Variants in SMYD3 observed in about 807,000 individuals in gnomAD.
SMYD3 encodes histone-lysine N-methyltransferase SMYD3.
SMYD3 carries 36 observed loss-of-function variants against 57.7 expected under a neutral mutation model. That is an observed-to-expected ratio of 0.62 (90% CI 0.48 to 0.82). SMYD3 has a LOEUF of 0.82. Among genes scored for constraint, SMYD3 ranks in the 40% least tolerant of loss-of-function variants. The pLI, the probability that SMYD3 is intolerant of heterozygous loss-of-function variation, is 0.00. For missense variants in SMYD3, 515 were observed against 538.8 expected (o/e 0.96, Z 0.44); for synonymous variants, 211 against 195.0 (o/e 1.08, Z -0.68).
intron 5 of SMYD3, among the ~76,000 whole-genome samples, chr1:246,086,491 G>C (rs770665092): frequency 6.6e-6 from 1 of 151,376 alleles, no homozygotes; most frequent in African/African-American, 2.4e-5. Flanking sequence ...AGAGGCTACG[G>C]ATATATTTTC....
intron 5 of SMYD3, among the ~76,000 whole-genome samples, chr1:246,130,517 A>G (rs1408288538): frequency 6.6e-6 from 1 of 152,198 alleles, no homozygotes; most frequent in Non-Finnish European, 1.5e-5. Context: ...TACAACCTAT[A>G]TTTATCATTC....
At chr1:246,448,627 G>T (rs969567206) in intron 1 of SMYD3, among the ~76,000 whole-genome samples, 2 of 137,782 alleles carry the variant, frequency 1.5e-5, no homozygotes, top group African/African-American at 5.6e-5. Flanking sequence ...GCCCAACAAT[G>T]CCCTTAAGAA....
intron 1 of SMYD3, among the ~76,000 whole-genome samples, chr1:246,395,753 CAGTCAGACA>C (rs1558443032): frequency 3.7e-4 from 54 of 146,936 alleles, no homozygotes; most frequent in African/African-American, 9.1e-4. Context: ...GAACCCACCA[CAGTCAGACA>C]GGGAAGAGGA....
intron 5 of SMYD3, among the ~76,000 whole-genome samples, chr1:246,264,475 C>A (rs2064067576): frequency 3.9e-5 from 6 of 152,180 alleles, no homozygotes; most frequent in Admixed American, 3.9e-4. Flanking sequence ...GATGGTGAGA[C>A]CCTGCATCTT....
At chr1:246,375,397 G>A (rs2066259822) in intron 1 of SMYD3, among the ~76,000 whole-genome samples, 1 of 123,852 alleles carries the variant, frequency 8.1e-6, no homozygotes, top group African/African-American at 3.0e-5. Context: ...CAACATGAGA[G>A]TAAATGCCAC....
chr1:245,771,292 G>A (rs746804348), intron 10 of SMYD3, among the ~76,000 whole-genome samples: 4 of 152,124 alleles, frequency 2.6e-5, no homozygotes, highest in South Asian at 2.1e-4. Context: ...TAAGGTAGGC[G>A]TGGCAAAATC....
At chr1:245,986,732 C>A (rs1286997922) in intron 5 of SMYD3, among the ~76,000 whole-genome samples, 1 of 152,210 alleles carries the variant, frequency 6.6e-6, no homozygotes, top group African/African-American at 2.4e-5. Context: ...CCCACGCCCA[C>A]ATGCAAGGCT....
rs192831074 is a variant in SMYD3, at chr1:245,864,843, G to A, written c.814-957C>T. On this transcript the variant is annotated intron_variant, in intron 8 of 11. Transcript: ENST00000490107. ...ATAGTTATTTGTTAGGAGACCTACAGCTAAAACCTTATTAAGTATAAAGTA... is the reference window on the plus strand; with the variant it reads ...ATAGTTATTTGTTAGGAGACCTACAACTAAAACCTTATTAAGTATAAAGTA... 5.3e-5 allele frequency among the ~76,000 whole-genome samples: 8 copies of A among 152,294 alleles called. No individual in the cohort carries two copies. In the East Asian group the frequency reaches 1.5e-3, roughly 29 times the overall value.
intron 1 of SMYD3, among the ~76,000 whole-genome samples, chr1:246,371,951 G>A (rs999820380): frequency 1.3e-5 from 2 of 152,090 alleles, no homozygotes; most frequent in African/African-American, 4.8e-5. Context: ...ACTTTTAACT[G>A]TAAATTGCCT....
At chr1:246,272,560 C>T (rs1190911323) in intron 5 of SMYD3, among the ~76,000 whole-genome samples, 2 of 152,110 alleles carry the variant, frequency 1.3e-5, no homozygotes, top group Non-Finnish European at 2.9e-5. Context: ...TTTCCCCCTA[C>T]AATCTGTTTA....
At chr1:246,160,743 A>G (rs1299241902) in intron 5 of SMYD3, among the ~76,000 whole-genome samples, 1 of 152,206 alleles carries the variant, frequency 6.6e-6, no homozygotes, top group Non-Finnish European at 1.5e-5. Context: ...ACAGAGCTAT[A>G]GCAAGCTCTC....
chr1:246,226,870 T>C (rs1001245669), intron 5 of SMYD3, among the ~76,000 whole-genome samples: 1 of 152,248 alleles, frequency 6.6e-6, no homozygotes, highest in Non-Finnish European at 1.5e-5. Context: ...ATAATCTTCA[T>C]TAATGAACTT....
At chr1:245,909,271 G>A (rs1434377332) in intron 8 of SMYD3, among the ~76,000 whole-genome samples, 4 of 152,140 alleles carry the variant, frequency 2.6e-5, no homozygotes, top group East Asian at 3.9e-4. Context: ...AACAGAAAAC[G>A]TGAACAGAAC....
intron 8 of SMYD3, among the ~76,000 whole-genome samples, chr1:245,892,003 A>C (rs1196288809): frequency 6.6e-6 from 1 of 152,182 alleles, no homozygotes; most frequent in African/African-American, 2.4e-5. Context: ...ACTGCACTTC[A>C]GCCTGGGCGA....
At chr1:245,818,011 G>A (rs2048947899) in intron 10 of SMYD3, among the ~76,000 whole-genome samples, 1 of 152,112 alleles carries the variant, frequency 6.6e-6, no homozygotes, top group African/African-American at 2.4e-5. Context: ...AATCTAGCAA[G>A]GCAGGCCAAC....
intron 5 of SMYD3, among the ~76,000 whole-genome samples, chr1:246,177,566 G>A (rs2062455253): frequency 6.6e-6 from 1 of 151,876 alleles, no homozygotes; most frequent in Admixed American, 6.6e-5. Flanking sequence ...TGTTTAAGAA[G>A]AACAGCAAAA....
chr1:246,485,075 C>T (rs1026252933), intron 1 of SMYD3, among the ~76,000 whole-genome samples: 2 of 138,684 alleles, frequency 1.4e-5, no homozygotes, highest in Non-Finnish European at 3.1e-5. Flanking sequence ...GCACTAGTTA[C>T]ACCTGAAAAC....
intron 2 of SMYD3, among the ~76,000 whole-genome samples, chr1:246,354,043 C>T (rs2065873717): frequency 1.3e-5 from 2 of 152,090 alleles, no homozygotes. Context: ...GAGAAGAAAA[C>T]CCCTGAGACA....
intron 5 of SMYD3, among the ~76,000 whole-genome samples, chr1:246,294,001 T>C (rs1323530573): frequency 6.6e-6 from 1 of 152,164 alleles, no homozygotes; most frequent in African/African-American, 2.4e-5. Context: ...CCTTGGTTTC[T>C]ATGATATCTT....
Sources: gnomAD v4.1 joint callset for allele counts (sites outside exome capture counted in the v4.1 genomes callset) on GRCh38, gnomAD v4.1.1 for gene constraint, MANE v1.5 for transcripts, NCBI Gene and HGNC (gene_info 2026-07-23, HGNC 2026-07-21) for gene names.